GBF1: variants seen among roughly 807,000 people sequenced by gnomAD.
The protein encoded by GBF1 is golgi brefeldin A resistant guanine nucleotide exchange factor 1, also known as Golgi-specific brefeldin A-resistance guanine nucleotide exchange factor 1.
A neutral mutation model predicts 210.5 loss-of-function variants in GBF1; 114 were observed. That is an observed-to-expected ratio of 0.54 (90% CI 0.47 to 0.63). The LOEUF is 0.63. Ranked by LOEUF, GBF1 falls within the 30% of genes least tolerant of loss-of-function variation. The pLI is 0.00. For missense variants in GBF1, 1,851 were observed against 2,357.7 expected, an observed-to-expected ratio of 0.79 and a Z score of 4.45; for synonymous variants, 850 against 889.2, an observed-to-expected ratio of 0.96 and a Z score of 0.78.
chr10:102,379,987 C>T, intron 36 of GBF1, 33 bp downstream of exon 36: 2 of 1,387,188 alleles, frequency 1.4e-6, no homozygotes, highest in South Asian at 1.2e-5. Context: ...CACCCTCTCT[C>T]CCATACCTGC....
chr10:102,252,661 A>G (rs2071714323), intron 1 of GBF1, among the ~76,000 whole-genome samples: 1 of 152,174 alleles, frequency 6.6e-6, no homozygotes, highest in Non-Finnish European at 1.5e-5. Context: ...CCTGGGCAAC[A>G]TGGCAAAATG....
chr10:102,337,104 C>T lies in GBF1; in HGVS notation c.164-6947C>T, dbSNP rs182403692. ...AAACTATGGGTCTGCACGGGCTGGG[C>T]GAGGTGGCTCACGTCTGTAATCCCA... is the stretch of plus-strand genomic sequence containing the variant. On this transcript the variant is annotated intron_variant, in intron 3 of 39. Coordinates refer to ENST00000369983, the MANE Select transcript of GBF1 (RefSeq NM_001377137.1). 2.6e-4 allele frequency among the ~76,000 whole-genome samples: 40 copies of T among 152,090 alleles called. No homozygotes were observed. The South Asian group carries it at 4.8e-3, about 18-fold the overall frequency.
At chr10:102,326,831 C>T (rs1183233749) in intron 3 of GBF1, among the ~76,000 whole-genome samples, 1 of 152,100 alleles carries the variant, frequency 6.6e-6, no homozygotes, top group Non-Finnish European at 1.5e-5. Context: ...ATCCATGTTG[C>T]ATATATCAGT....
the GBF1 span, among the ~76,000 whole-genome samples, chr10:102,239,797 G>T: frequency 3.9e-5 from 6 of 152,232 alleles, no homozygotes; most frequent in Non-Finnish European, 7.3e-5. Flanking sequence ...GCTGTGGTTA[G>T]AATTGGGGTC....
intron 3 of GBF1, among the ~76,000 whole-genome samples, chr10:102,286,286 C>G (rs1313215558): frequency 1.3e-5 from 2 of 151,276 alleles, no homozygotes; most frequent in African/African-American, 4.9e-5. Flanking sequence ...TTCATTAAAC[C>G]ACTCCTCGCA....
intron 33 of GBF1, among the ~76,000 whole-genome samples, chr10:102,377,392 C>G (rs2060571208): frequency 1.3e-5 from 2 of 151,888 alleles, no homozygotes; most frequent in African/African-American, 4.8e-5. Flanking sequence ...GTCTCTCTGT[C>G]ACCCAGGCTG....
chr10:102,352,260 TC>T (rs944024952), intron 6 of GBF1, among the ~76,000 whole-genome samples, 197 bp from the exon 7 acceptor site: 3 of 151,972 alleles, frequency 2.0e-5, no homozygotes, highest in African/African-American at 7.3e-5. Flanking sequence ...CATCTATACC[TC>T]CCCTTTTTTC....
At chr10:102,342,793 A>C (rs1403256509) in intron 3 of GBF1, among the ~76,000 whole-genome samples, 4 of 152,158 alleles carry the variant, frequency 2.6e-5, no homozygotes, top group African/African-American at 9.7e-5. Context: ...GAAAGATGAA[A>C]GCACAGCACA....
At chr10:102,318,138 C>T (rs113408551) in intron 3 of GBF1, among the ~76,000 whole-genome samples, 24 of 152,150 alleles carry the variant, frequency 1.6e-4, no homozygotes, top group Non-Finnish European at 2.5e-4. Flanking sequence ...CCTTGTGATC[C>T]GCCCGGCCTC....
chr10:102,321,623 A>G (rs1043384273), intron 3 of GBF1, among the ~76,000 whole-genome samples: 1 of 152,164 alleles, frequency 6.6e-6, no homozygotes, highest in Non-Finnish European at 1.5e-5. Flanking sequence ...AGGCTGGAGT[A>G]TAATGGCACG....
chr10:102,331,378 ATTTCTAATCCCTGGGGT>A (rs2057322329), intron 3 of GBF1, among the ~76,000 whole-genome samples: 1 of 152,010 alleles, frequency 6.6e-6, no homozygotes, highest in Non-Finnish European at 1.5e-5. Context: ...TAAAATTATG[ATTTCTAATCCCTGGGGT>A]TTTCAGACTT....
upstream of GBF1, among the ~76,000 whole-genome samples, chr10:102,245,149 G>A (rs1157164756): frequency 6.6e-6 from 1 of 152,146 alleles, no homozygotes. Flanking sequence ...GAGTAGGGAT[G>A]CCCGCTCAAG....
chr10:102,381,996 G>T, intron 39 of GBF1, 60 bp from the exon 40 acceptor site: 2 of 1,397,008 alleles, frequency 1.4e-6, no homozygotes, highest in Non-Finnish European at 1.9e-6. Context: ...GCTGGGCAAT[G>T]TGAGAGTTGT....
chr10:102,235,172 A>ACCCCCCCCCCC, the GBF1 span, among the ~76,000 whole-genome samples: 1 of 77,240 alleles, frequency 1.3e-5, no homozygotes, highest in African/African-American at 5.4e-5. Flanking sequence ...CCCTTCCCCC[A>ACCCCCCCCCCC]CCCCCCACCC....
chr10:102,351,171 C>G (rs1039462238), intron 4 of GBF1, 85 bp from the exon 5 acceptor site: 12 of 765,008 alleles, frequency 1.6e-5, no homozygotes, highest in Non-Finnish European at 2.7e-5. Flanking sequence ...AGAGGAAAAA[C>G]TGTCTCTCAA....
At chr10:102,372,386 A>G (rs1203575731) in intron 29 of GBF1, among the ~76,000 whole-genome samples, 2 of 148,096 alleles carry the variant, frequency 1.4e-5, no homozygotes, top group Non-Finnish European at 3.0e-5. Context: ...ATGGTGGGGC[A>G]TGCCTGTAAT....
At chr10:102,356,852 G>A (rs1308035016) in intron 8 of GBF1, among the ~76,000 whole-genome samples, 1 of 151,936 alleles carries the variant, frequency 6.6e-6, no homozygotes, top group Non-Finnish European at 1.5e-5. Context: ...AGATCCTAGG[G>A]AATAGTTAAC....
rs551625977 is a variant in GBF1 at position 102,313,277 on chromosome 10, G to A, written c.164-30774G>A. Among the ~76,000 whole-genome samples, 73 of 152,248 alleles carry A rather than the reference G, an allele frequency of 4.8e-4. No homozygotes were observed. The South Asian group carries it at 0.01, about 22-fold the overall frequency. ...ATGTTCTTCTGAGTACACATGAGTC[G>A]GTACTGCAGTCAGTATACTTCTTTT... On this transcript the variant is annotated intron_variant, in intron 3 of 39. Transcript: ENST00000369983.
At chr10:102,379,261 C>T in intron 33 of GBF1, 23 bp from the exon 34 acceptor site, 1 of 1,607,776 alleles carries the variant, frequency 6.2e-7, no homozygotes, top group Non-Finnish European at 8.5e-7. Flanking sequence ...CCACTCACAT[C>T]CTGCCCCCTC....
Sources: allele counts gnomAD v4.1 joint callset (sites outside exome capture counted in the v4.1 genomes callset), GRCh38; gene constraint gnomAD v4.1.1; transcripts MANE v1.5; gene names NCBI Gene and HGNC (gene_info 2026-07-23, HGNC 2026-07-21).